Variants in MADD observed in about 807,000 individuals in gnomAD.
MADD encodes MAP kinase activating death domain.
Under a neutral mutation model 176.7 loss-of-function variants are expected in MADD, and 109 were observed. The observed-to-expected ratio is 0.62, with a 90% CI of 0.53 to 0.72. MADD has a LOEUF of 0.72. Ranked by LOEUF, MADD falls within the 30% of genes least tolerant of loss-of-function variation. The probability of loss-of-function intolerance (pLI) is 0.00; values close to 1 mark genes in which losing one functional copy is unlikely to be tolerated. For missense variants in MADD, 1,914 were observed against 2,045.5 expected (o/e 0.94, Z 1.24); for synonymous variants, 771 against 771.3 (o/e 1.00, Z 0.01).
chr11:47,311,702 CTTG>C, intron 25 of MADD, 27 bp from the exon 29 acceptor site: 1 of 1,369,192 alleles, frequency 7.3e-7, no homozygotes, highest in Non-Finnish European at 1.0e-6. Context: ...GAGCAGATCC[CTTG>C]TTAAGAGTCA....
exon 3 of MADD, chr11:47,274,565 A>T: frequency 1.2e-6 from 2 of 1,602,326 alleles, no homozygotes; most frequent in South Asian, 2.2e-5. Context: ...TTCTTCAGGC[A>T]CCCGAGCAGT....
chr11:47,327,598 T>C, intron 31 of MADD: 2 of 985,284 alleles, frequency 2.0e-6, no homozygotes, highest in Non-Finnish European at 2.4e-6. Context: ...CTCCCCCTTC[T>C]CACCGGCTCA....
At chr11:47,285,037 G>A (rs766361380) in exon 13 of MADD, 1 of 1,614,084 alleles carries the variant, frequency 6.2e-7, no homozygotes, top group Non-Finnish European at 8.5e-7. Context: ...ATCGAACGTG[G>A]ACAGACGTCA....
chr11:47,288,937 A>T, intron 15 of MADD, 31 bp from the exon 16 acceptor site: 1 of 1,535,388 alleles, frequency 6.5e-7, no homozygotes, highest in Non-Finnish European at 8.9e-7. Flanking sequence ...GTATTGTGGT[A>T]CACCTACTAA....
At chr11:47,322,744 GTAAT>G (rs1027410755) in intron 27 of MADD, among the ~76,000 whole-genome samples, 7 of 152,184 alleles carry the variant, frequency 4.6e-5, no homozygotes, top group Non-Finnish European at 8.8e-5. Context: ...TGTCACTTGT[GTAAT>G]TAATTTTTAA....
At chr11:47,298,308 C>A (rs1210839077) in intron 22 of MADD, among the ~76,000 whole-genome samples, 2 of 152,222 alleles carry the variant, frequency 1.3e-5, no homozygotes, top group African/African-American at 4.8e-5. Flanking sequence ...GAACTTTTTA[C>A]TATAAGACAT....
exon 18 of MADD, chr11:47,290,172 G>C: frequency 6.2e-7 from 1 of 1,614,168 alleles, no homozygotes; most frequent in South Asian, 1.1e-5. Context: ...AGGTGTACAA[G>C]GGAATGTTAG....
At chr11:47,308,165 A>G (rs187295783) in intron 22 of MADD, among the ~76,000 whole-genome samples, 5 of 152,228 alleles carry the variant, frequency 3.3e-5, no homozygotes, top group African/African-American at 4.8e-5. Flanking sequence ...GGTAGGTATT[A>G]TAACCTTCCT....
chr11:47,276,065 C>T (rs1346402987), exon 4 of MADD: 1 of 1,614,222 alleles, frequency 6.2e-7, no homozygotes, highest in Admixed American at 1.7e-5. Flanking sequence ...ACCCCAAGAG[C>T]TCCAGCCAGC....
chr11:47,278,132 CTT>C (rs1220689757), intron 5 of MADD, 31 bp from the exon 6 acceptor site: 1 of 1,444,554 alleles, frequency 6.9e-7, no homozygotes, highest in East Asian at 2.3e-5. Context: ...TAGGTTTTGT[CTT>C]TGTTTCTCAC....
exon 14 of MADD, chr11:47,285,581 T>C (rs767646682): frequency 6.2e-7 from 1 of 1,614,138 alleles, no homozygotes; most frequent in Non-Finnish European, 8.5e-7. Context: ...GGGCATCATG[T>C]CTTTTGCCAG....
Position 47,281,531 on chromosome 11 carries a change from C to T in MADD, c.1291-44C>T, listed in dbSNP as rs776016615. The T allele has an allele frequency of 2.6e-6, 4 of 1,517,080 alleles. 1 individual carries two copies. The South Asian group carries it at 4.9e-5, about 19-fold the overall frequency. 94.0% of individuals were successfully genotyped at this position (1,517,080 alleles called of 1,614,324 possible). ...CTTGGAGTTAAGATTGGCTAGCTGC[C>T]CAGGGACGTTCCTTGTGTAAGGAAT... On this transcript the variant is annotated intron_variant, in intron 7 of 32. Transcript: ENST00000402192.
chr11:47,287,207 A>G (rs187229703), intron 15 of MADD, among the ~76,000 whole-genome samples: 64 of 152,244 alleles, frequency 4.2e-4, no homozygotes, highest in Admixed American at 3.7e-3. Context: ...CTGTAATCCC[A>G]GCTACTTGGG....
chr11:47,326,571 A>C lies in MADD; in HGVS notation c.4543-167A>C, dbSNP rs548765566. ...GCGGAAGGTACATGCCCTTTCTGCT[A>C]TCTTCGCTTCTTAGCGCTTTTGAGT... On this transcript the variant is annotated intron_variant, in intron 30 of 32. Transcript: ENST00000402192. 3 of 1,416,298 alleles carry C rather than the reference A, an allele frequency of 2.1e-6. No individual in the cohort carries two copies. The highest frequency in any genetic ancestry group is 2.9e-5 in the Admixed American group (1 of 34,760). 87.7% of individuals were successfully genotyped at this position (1,416,298 alleles called of 1,614,324 possible).
intron 27 of MADD, among the ~76,000 whole-genome samples, chr11:47,321,059 G>A (rs760134893): frequency 2.0e-5 from 3 of 151,956 alleles, no homozygotes; most frequent in Non-Finnish European, 2.9e-5. Context: ...TTAAAATTTC[G>A]GTAGATTTTG....
chr11:47,316,212 A>G (rs1262087621), intron 27 of MADD, among the ~76,000 whole-genome samples: 1 of 152,152 alleles, frequency 6.6e-6, no homozygotes, highest in Non-Finnish European at 1.5e-5. Context: ...TATAGATGAT[A>G]TAGTCACATT....
rs200413863 is a variant in MADD, at chr11:47,282,631, C to T, written c.1705+15C>T. Reference sequence around the variant, plus strand: ...AATTCACAACAGTGAGTCTACCTGCCCTCTGCTCCGCTCTGCCTTGTGCCT... The same window carrying T: ...AATTCACAACAGTGAGTCTACCTGCTCTCTGCTCCGCTCTGCCTTGTGCCT... On this transcript the variant is annotated intron_variant, in intron 9 of 32. Coordinates refer to ENST00000402192, the Ensembl canonical transcript of MADD. The T allele has an allele frequency of 1.5e-4, 234 of 1,612,388 alleles. No individual in the cohort carries two copies. The East Asian group carries it at 3.0e-3, about 21-fold the overall frequency.
intron 14 of MADD, among the ~76,000 whole-genome samples, chr11:47,286,006 A>G (rs1668749400): frequency 6.6e-6 from 1 of 152,214 alleles, no homozygotes; most frequent in South Asian, 2.1e-4. Flanking sequence ...CTTAGATAGT[A>G]TTCCCAGCAG....
rs140505071 is a variant in MADD at position 47,274,849 on chromosome 11, C to T, written c.349C>T (p.Arg117Cys). ...GAAGGGGGAAGGTGGGGCAGGGTCC[C>T]GTGGGAAGGAAGGAACCCATGCCAC... Residue 117 changes from arginine to cysteine, a missense_variant, in exon 3 of 33, where the codon CGT (arginine) becomes TGT (cysteine). Physicochemically the swap from Arg to Cys is radical, Grantham distance 180 (BLOSUM62 -3). Around this residue, in one of 2 missense-constraint regions of MADD, gnomAD observed 1,767 missense variants for 1,836.0 expected, o/e 0.96. Coordinates refer to ENST00000402192, the Ensembl canonical transcript of MADD. 3.0e-5 allele frequency: 49 copies of T among 1,614,166 alleles called. No individual in the cohort carries two copies. The African/African-American group carries it at 3.2e-4, about 11-fold the overall frequency.
Sources: allele counts gnomAD v4.1 joint callset (sites outside exome capture counted in the v4.1 genomes callset), GRCh38; gene constraint gnomAD v4.1.1; regional missense constraint gnomAD v4.1.1; transcripts MANE v1.5; gene names NCBI Gene and HGNC (gene_info 2026-07-23, HGNC 2026-07-21).